Variants in NKAIN3 observed in about 807,000 individuals in gnomAD.
NKAIN3 encodes sodium/potassium transporting ATPase interacting 3.
A neutral mutation model predicts 30.2 loss-of-function variants in NKAIN3; 25 were observed. The observed-to-expected ratio is 0.83, with a 90% CI of 0.60 to 1.16. The LOEUF is 1.16. Ranked by LOEUF, NKAIN3 falls within the 50% of genes most tolerant of loss-of-function variation. NKAIN3 has a pLI of 0.00. For synonymous variants in NKAIN3, 91 were observed against 89.6 expected (o/e 1.02, Z -0.09); for missense variants, 225 against 254.1 (o/e 0.89, Z 0.78).
Position 62,248,972 on chromosome 8 carries a change from G to A in NKAIN3, c.-102G>A. 1 of 1,131,388 alleles carries A rather than the reference G, an allele frequency of 8.8e-7. No individual in the cohort carries two copies. Among genetic ancestry groups the A allele is most frequent in the Non-Finnish European group, 1.2e-6 (1 of 800,358 alleles). The allele number at this position is 1,131,388 out of a possible 1,614,324, so 70.1% of individuals were successfully genotyped here. On this transcript the variant is annotated 5_prime_UTR_variant, in exon 1 of 7. Transcript: ENST00000623646. Reference sequence around the variant, plus strand: ...CGAGCGGCGGCCGCGGGGCCGAGGAGCCTGGGCCGGGCCGGGCGGGGACTA... The same window carrying A: ...CGAGCGGCGGCCGCGGGGCCGAGGAACCTGGGCCGGGCCGGGCGGGGACTA...
intron 1 of NKAIN3, among the ~76,000 whole-genome samples, chr8:62,392,357 A>G (rs923432771): frequency 6.6e-6 from 1 of 152,040 alleles, no homozygotes; most frequent in African/African-American, 2.4e-5. Flanking sequence ...TTTGAAGGAG[A>G]CTTTTGTAGT....
chr8:62,486,394 G>A (rs1806902529), intron 1 of NKAIN3, among the ~76,000 whole-genome samples: 1 of 151,162 alleles, frequency 6.6e-6, no homozygotes. Flanking sequence ...AGACTCACAG[G>A]ATTTCTTTCT....
intron 1 of NKAIN3, among the ~76,000 whole-genome samples, chr8:62,515,769 G>C (rs1807966775): frequency 6.6e-6 from 1 of 152,090 alleles, no homozygotes; most frequent in Admixed American, 6.6e-5. Flanking sequence ...ATTTTTGCCA[G>C]TCTGATGGAA....
chr8:62,869,004 G>A (rs7826606), intron 4 of NKAIN3, among the ~76,000 whole-genome samples: 105,659 of 152,030 alleles, frequency 0.69, 37,421 homozygotes, highest in African/African-American at 0.79. Flanking sequence ...AGTAGACTCT[G>A]TTGATGGGAA....
At position 62,973,074 on chromosome 8, in the gene NKAIN3, A is replaced by C. The variant is rs1261702854; in HGVS notation, c.*7667A>C. 1.3e-5 allele frequency among the ~76,000 whole-genome samples: 2 copies of C among 152,092 alleles called. No homozygotes were observed. Among genetic ancestry groups the C allele is most frequent in the Admixed American group, 6.5e-5 (1 of 15,276 alleles). ...ATTTTCTTTATCCGTTCTAACATTG[A>C]TGGGCATTTGGGTTGGTTCCAAGTC... On this transcript the variant is annotated 3_prime_UTR_variant, in exon 7 of 7. Coordinates refer to ENST00000623646, the MANE Select transcript of NKAIN3 (RefSeq NM_001304533.3).
At chr8:62,914,114 C>A (rs1025955401) in intron 4 of NKAIN3, among the ~76,000 whole-genome samples, 3 of 152,130 alleles carry the variant, frequency 2.0e-5, no homozygotes, top group Admixed American at 1.3e-4. Context: ...CAATGATAGA[C>A]TGGATAAAGA....
At chr8:62,513,063 G>C (rs143835707) in intron 1 of NKAIN3, among the ~76,000 whole-genome samples, 512 of 152,040 alleles carry the variant, frequency 3.4e-3, no homozygotes, top group African/African-American at 0.012. Context: ...ATATAAAATA[G>C]TCAAAGAAAC....
In NKAIN3 at chr8:62,967,993, T is replaced by G. The variant is rs1407283583; in HGVS notation, c.*2586T>G. ...TCTATGAATATTCAATGTAGGCAAC[T>G]ATTTAATATGGTGTATATGTTTTCA... On this transcript the variant is annotated 3_prime_UTR_variant, in exon 7 of 7. Transcript: ENST00000623646. 2.0e-5 allele frequency among the ~76,000 whole-genome samples: 3 copies of G among 152,226 alleles called. No homozygotes were observed. In the East Asian group the frequency reaches 5.8e-4, roughly 29 times the overall value.
chr8:62,858,094 G>C (rs188446447), intron 4 of NKAIN3, among the ~76,000 whole-genome samples: 1 of 152,122 alleles, frequency 6.6e-6, no homozygotes, highest in East Asian at 1.9e-4. Context: ...TGAACAGTCT[G>C]ATGGCTGTTG....
At chr8:62,862,602 T>A (rs1563599094) in intron 4 of NKAIN3, among the ~76,000 whole-genome samples, 2 of 152,112 alleles carry the variant, frequency 1.3e-5, no homozygotes, top group Admixed American at 6.5e-5. Context: ...AAAATCATTT[T>A]AAAAAAATTT....
intron 5 of NKAIN3, chr8:62,990,162 T>A (rs923470153): frequency 4.1e-6 from 5 of 1,218,040 alleles, no homozygotes; most frequent in Non-Finnish European, 5.9e-6. Flanking sequence ...TATTTTTTAT[T>A]CTCAGATTCA....
chr8:62,353,796 G>T (rs917714029), intron 1 of NKAIN3, among the ~76,000 whole-genome samples: 1 of 152,006 alleles, frequency 6.6e-6, no homozygotes, highest in Non-Finnish European at 1.5e-5. Flanking sequence ...TAACTTTTTT[G>T]TGACTAATAT....
At chr8:62,691,188 T>G (rs1379018700) in intron 3 of NKAIN3, among the ~76,000 whole-genome samples, 1 of 152,190 alleles carries the variant, frequency 6.6e-6, no homozygotes, top group African/African-American at 2.4e-5. Context: ...TTATCTTGCA[T>G]TACCCATTAT....
At chr8:62,883,976 T>C (rs1375014334) in intron 4 of NKAIN3, among the ~76,000 whole-genome samples, 3 of 152,214 alleles carry the variant, frequency 2.0e-5, no homozygotes, top group Non-Finnish European at 4.4e-5. Flanking sequence ...CTGTGATTTT[T>C]CTTCTTTAGC....
At chr8:62,886,920 G>A (rs928824473) in intron 4 of NKAIN3, among the ~76,000 whole-genome samples, 1 of 135,456 alleles carries the variant, frequency 7.4e-6, no homozygotes, top group African/African-American at 2.5e-5. Flanking sequence ...TGCAGTGTTT[G>A]GTTTTCTGTT....
In NKAIN3 at chr8:62,653,566, G is replaced by T. The variant is rs146941868; in HGVS notation, c.273+63772G>T. Among the ~76,000 whole-genome samples, 227 of 152,290 alleles carry T rather than the reference G, an allele frequency of 1.5e-3. 1 individual carries two copies. The highest frequency in any genetic ancestry group is 5.0e-3 in the African/African-American group (209 of 41,568). The stretch of plus-strand genomic sequence containing the variant: ...CAAAGAAATAAAAATATAAGGGGAT[G>T]CATAAGCAAGTTATTGCAACCTGAT... On this transcript the variant is annotated intron_variant, in intron 3 of 6. Coordinates refer to ENST00000623646, the MANE Select transcript of NKAIN3 (RefSeq NM_001304533.3).
chr8:62,539,701 C>T (rs1212299474), intron 1 of NKAIN3, among the ~76,000 whole-genome samples: 1 of 152,150 alleles, frequency 6.6e-6, no homozygotes, highest in Non-Finnish European at 1.5e-5. Flanking sequence ...GCAATCCTCC[C>T]ACCTCAGCCA....
chr8:62,566,468 A>AAATT (rs78418880), intron 1 of NKAIN3, among the ~76,000 whole-genome samples: 34,601 of 151,774 alleles, frequency 0.23, 4,106 homozygotes, highest in East Asian at 0.38. Context: ...AGAAAGAAAA[A>AAATT]AATTAATTAA....
chr8:62,384,418 A>G (rs2129594153), intron 1 of NKAIN3, among the ~76,000 whole-genome samples: 1 of 152,310 alleles, frequency 6.6e-6, no homozygotes, highest in East Asian at 1.9e-4. Context: ...AAATTTTCAT[A>G]AAATATTCAT....
Sources: allele counts gnomAD v4.1 joint callset (sites outside exome capture counted in the v4.1 genomes callset), GRCh38; gene constraint gnomAD v4.1.1; transcripts MANE v1.5; gene names NCBI Gene and HGNC (gene_info 2026-07-23, HGNC 2026-07-21).